The following CPNE4 variants were observed in gnomAD, a reference collection of about 807,000 sequenced individuals.
CPNE4 encodes the protein copine 4.
A neutral mutation model predicts 67.9 loss-of-function variants in CPNE4; 25 were observed. That is an observed-to-expected ratio of 0.37 (90% CI 0.27 to 0.51). The LOEUF is 0.51. Among genes scored for constraint, CPNE4 ranks in the 20% least tolerant of loss-of-function variants. The probability of loss-of-function intolerance (pLI) is 0.93; values close to 1 mark genes in which losing one functional copy is unlikely to be tolerated. For synonymous variants in CPNE4, 242 were observed against 244.9 expected (o/e 0.99, Z 0.11); for missense variants, 464 against 690.8 (o/e 0.67, Z 3.68).
chr3:131,823,033 G>C (rs1359045444), intron 2 of CPNE4, among the ~76,000 whole-genome samples: 1 of 152,004 alleles, frequency 6.6e-6, no homozygotes, highest in African/African-American at 2.4e-5. Context: ...TAGAGACAGG[G>C]TTTCACCGTG....
intron 1 of CPNE4, among the ~76,000 whole-genome samples, chr3:131,985,551 G>C (rs993052920): frequency 1.3e-5 from 2 of 152,122 alleles, no homozygotes; most frequent in South Asian, 2.1e-4. Flanking sequence ...AATAGGAGTA[G>C]AAGAGCCAAG....
chr3:131,823,023 T>C (rs1481291134), intron 2 of CPNE4, among the ~76,000 whole-genome samples: 2 of 152,008 alleles, frequency 1.3e-5, no homozygotes, highest in Non-Finnish European at 1.5e-5. Context: ...TATTTTTTAA[T>C]AGAGACAGGG....
At chr3:131,546,532 A>G (rs910904560) in intron 14 of CPNE4, among the ~76,000 whole-genome samples, 1 of 152,188 alleles carries the variant, frequency 6.6e-6, no homozygotes, top group Non-Finnish European at 1.5e-5. Context: ...TTCAAAGAAC[A>G]GGAGAAACCT....
rs184474925 is a variant in CPNE4 at position 131,913,367 on chromosome 3, G to A, written c.-1-7923C>T. Among the ~76,000 whole-genome samples the A allele has an allele frequency of 2.6e-3, 399 of 152,204 alleles. 4 individuals are homozygous for A. The highest frequency in any genetic ancestry group is 6.8e-3 in the Middle Eastern group (2 of 294). On this transcript the variant is annotated intron_variant, in intron 1 of 15. Transcript: ENST00000429747. ...ACCATTTAACTGGTATATAACCATCGGGGGCATTCCACTGGTAAGGAAAGA... is the reference window on the plus strand; with the variant it reads ...ACCATTTAACTGGTATATAACCATCAGGGGCATTCCACTGGTAAGGAAAGA...
At chr3:131,812,167 A>G (rs2084554849) in intron 2 of CPNE4, among the ~76,000 whole-genome samples, 1 of 150,770 alleles carries the variant, frequency 6.6e-6, no homozygotes, top group Non-Finnish European at 1.5e-5. Context: ...TGCAGTCTTT[A>G]TGGCTCCCCA....
chr3:131,990,928 G>A (rs1348039633), intron 1 of CPNE4, among the ~76,000 whole-genome samples: 5 of 135,924 alleles, frequency 3.7e-5, no homozygotes, highest in African/African-American at 1.2e-4. Context: ...AGATCTGATG[G>A]TTTTATAAGG....
At chr3:131,705,645 C>T (rs114876873) in intron 3 of CPNE4, among the ~76,000 whole-genome samples, 2,709 of 152,112 alleles carry the variant, frequency 0.018, 93 homozygotes, top group African/African-American at 0.062. Flanking sequence ...CCAGTGGAGA[C>T]CTACAAAAGC....
chr3:131,813,369 C>T (rs2084608726), intron 2 of CPNE4, among the ~76,000 whole-genome samples: 1 of 150,556 alleles, frequency 6.6e-6, no homozygotes, highest in Admixed American at 6.6e-5. Context: ...AAAATCCATT[C>T]ACGTTTTTTA....
Position 131,679,868 on chromosome 3 carries a change from A to G in CPNE4, c.591+6007T>C, listed in dbSNP as rs143522579. 5.1e-3 allele frequency among the ~76,000 whole-genome samples: 784 copies of G among 152,238 alleles called. 6 individuals carry two copies. Among genetic ancestry groups the G allele is most frequent in the African/African-American group, 0.018 (741 of 41,530 alleles). ...GAGATTATGTGATTAATTTTAGAGT[A>G]AGTGCCATGTGGTGGTGAGAAGAAT... is the stretch of plus-strand genomic sequence containing the variant. On this transcript the variant is annotated intron_variant, in intron 6 of 15. Coordinates refer to ENST00000429747, the MANE Select transcript of CPNE4 (RefSeq NM_130808.3).
chr3:131,743,894 C>T (rs1162954442), intron 2 of CPNE4, among the ~76,000 whole-genome samples: 6 of 126,056 alleles, frequency 4.8e-5, no homozygotes, highest in Admixed American at 3.1e-4. Flanking sequence ...ACCCGGGAGG[C>T]GGAGCTTGCA....
At chr3:131,668,074 G>A (rs946771614) in intron 7 of CPNE4, among the ~76,000 whole-genome samples, 2 of 152,100 alleles carry the variant, frequency 1.3e-5, no homozygotes, top group Non-Finnish European at 2.9e-5. Context: ...GTGGGGTTGA[G>A]GCTTGAAATA....
chr3:131,628,636 G>A (rs373203748), intron 7 of CPNE4, among the ~76,000 whole-genome samples: 1,224 of 99,328 alleles, frequency 0.012, no homozygotes, highest in South Asian at 0.015. Flanking sequence ...GAGGGTGTAT[G>A]TGTCCAGGAA....
chr3:131,976,027 T>TA (rs1191534650), intron 1 of CPNE4, among the ~76,000 whole-genome samples: 44 of 148,190 alleles, frequency 3.0e-4, no homozygotes, highest in Admixed American at 2.8e-3. Context: ...TGCTGATATT[T>TA]AAAAAAAAAC....
chr3:131,584,590 C>G (rs1225115277), intron 8 of CPNE4, among the ~76,000 whole-genome samples: 2 of 151,968 alleles, frequency 1.3e-5, no homozygotes, highest in African/African-American at 4.8e-5. Flanking sequence ...ACAGATCTCC[C>G]TTGTCTCTCT....
intron 2 of CPNE4, among the ~76,000 whole-genome samples, chr3:131,799,506 G>A (rs960071735): frequency 6.6e-6 from 1 of 152,100 alleles, no homozygotes; most frequent in African/African-American, 2.4e-5. Context: ...GTTGTGTTTT[G>A]TCTTTAATTT....
intron 2 of CPNE4, among the ~76,000 whole-genome samples, chr3:131,794,744 T>C (rs1440360527): frequency 1.8e-4 from 28 of 152,250 alleles, no homozygotes; most frequent in Admixed American, 1.8e-3. Context: ...TTCTTCCTTA[T>C]GTTCTCCCTT....
chr3:131,713,184 T>C (rs2081600897), intron 3 of CPNE4, among the ~76,000 whole-genome samples: 1 of 152,044 alleles, frequency 6.6e-6, no homozygotes, highest in South Asian at 2.1e-4. Context: ...GCTCCAAAGC[T>C]CTTGCCCTCC....
intron 2 of CPNE4, among the ~76,000 whole-genome samples, chr3:131,894,324 G>A (rs1253806546): frequency 6.6e-6 from 1 of 151,748 alleles, no homozygotes; most frequent in Non-Finnish European, 1.5e-5. Flanking sequence ...AACTAGTCCA[G>A]AAAATTGACC....
chr3:131,667,601 C>A (rs1391187592), intron 7 of CPNE4, among the ~76,000 whole-genome samples: 1 of 151,758 alleles, frequency 6.6e-6, no homozygotes, highest in Non-Finnish European at 1.5e-5. Context: ...TCTCTCCCCC[C>A]TCCCTTCCTT....
Sources: gnomAD v4.1 joint callset for allele counts (sites outside exome capture counted in the v4.1 genomes callset) on GRCh38, gnomAD v4.1.1 for gene constraint, MANE v1.5 for transcripts, NCBI Gene and HGNC (gene_info 2026-07-23, HGNC 2026-07-21) for gene names.